DPP6: variants seen among roughly 807,000 people sequenced by gnomAD.
DPP6 encodes the protein dipeptidyl peptidase like 6.
Under a neutral mutation model 122.6 loss-of-function variants are expected in DPP6, and 69 were observed. That is an observed-to-expected ratio of 0.56 (90% confidence interval 0.46 to 0.69). The LOEUF (loss-of-function observed/expected upper bound fraction) is 0.69, where lower values mean the gene tolerates loss of function less well. Ranked by LOEUF, DPP6 falls within the 30% of genes least tolerant of loss-of-function variation. The pLI, the probability that DPP6 is intolerant of heterozygous loss-of-function variation, is 0.00. For missense variants in DPP6, 928 were observed against 1,116.9 expected (o/e 0.83, Z 2.41); for synonymous variants, 418 against 433.1 (o/e 0.97, Z 0.43).
intron 1 of DPP6, among the ~76,000 whole-genome samples, chr7:154,171,048 C>T (rs1002948349): frequency 6.6e-6 from 1 of 152,192 alleles, no homozygotes; most frequent in Non-Finnish European, 1.5e-5. Context: ...ACCCAGTCAG[C>T]TTGTTTTGAC....
intron 17 of DPP6, among the ~76,000 whole-genome samples, chr7:154,865,097 G>C (rs1803741120): frequency 6.6e-6 from 1 of 152,166 alleles, no homozygotes; most frequent in South Asian, 2.1e-4. Context: ...CTCAGTTTGA[G>C]ATTTGGCCAT....
intron 15 of DPP6, 128 bp downstream of exon 15, chr7:154,805,092 C>T: frequency 7.8e-7 from 1 of 1,281,224 alleles, no homozygotes; most frequent in Non-Finnish European, 1.1e-6. Context: ...AGAGGAGTAG[C>T]TGTAGAGTCT....
chr7:154,781,180 A>AGATG (rs1334959935), intron 10 of DPP6, among the ~76,000 whole-genome samples: 183 of 152,068 alleles, frequency 1.2e-3, no homozygotes, highest in African/African-American at 4.1e-3. Flanking sequence ...AATGAACAGT[A>AGATG]GATGGATGGA....
At chr7:154,805,872 A>T (rs570363882) in intron 15 of DPP6, among the ~76,000 whole-genome samples, 1 of 152,310 alleles carries the variant, frequency 6.6e-6, no homozygotes, top group African/African-American at 2.4e-5. Flanking sequence ...GCAGCCAGTT[A>T]CACCTAAAGG....
At chr7:154,887,861 A>C in intron 23 of DPP6, 127 bp downstream of exon 23, 1 of 1,095,872 alleles carries the variant, frequency 9.1e-7, no homozygotes, top group Non-Finnish European at 1.4e-6. Flanking sequence ...ACCAGCACCA[A>C]AGCCCACTCA....
chr7:154,416,860 G>A (rs1383626309), intron 1 of DPP6, among the ~76,000 whole-genome samples: 1 of 148,748 alleles, frequency 6.7e-6, no homozygotes, highest in African/African-American at 2.6e-5. Flanking sequence ...CAGCTTCTAG[G>A]AGGCCTGTGG....
At chr7:153,917,413 G>C (rs1455552474) in intron 1 of DPP6, among the ~76,000 whole-genome samples, 1 of 152,216 alleles carries the variant, frequency 6.6e-6, no homozygotes, top group African/African-American at 2.4e-5. Context: ...AACTTGGGCA[G>C]TGTTAAAACC....
chr7:154,892,645 C>T lies in DPP6; in HGVS notation c.*165C>T. 1 of 1,396,588 alleles carries T rather than the reference C, an allele frequency of 7.2e-7. No homozygotes were observed. Among genetic ancestry groups the T allele is most frequent in the Non-Finnish European group, 9.8e-7 (1 of 1,018,766 alleles). 86.5% of individuals were successfully genotyped at this position (1,396,588 alleles called of 1,614,324 possible). A position where few individuals can be genotyped will look rare whatever the true frequency, so the allele number is the denominator to read the frequency against. On this transcript the variant is annotated 3_prime_UTR_variant, in exon 26 of 26. Coordinates refer to ENST00000377770, the MANE Select transcript of DPP6 (RefSeq NM_130797.4). ...AAGGCAGTTTTGCTTGGGAAACAAGCTCCTTCCCCGGGGTCATCACTCACG... is the reference window on the plus strand; with the variant it reads ...AAGGCAGTTTTGCTTGGGAAACAAGTTCCTTCCCCGGGGTCATCACTCACG...
chr7:154,888,508 G>T lies in DPP6; in HGVS notation c.2305-764G>T, dbSNP rs144552473. 2.0e-3 allele frequency among the ~76,000 whole-genome samples: 309 copies of T among 152,316 alleles called. 2 individuals are homozygous for T. The highest frequency in any genetic ancestry group is 0.01 in the Middle Eastern group (3 of 294). Reference sequence around the variant, plus strand: ...TTCTCCAGCTGTGCGCAGGGAGGGAGGCCAGAGCTCCTGGCCGAGGCAGCA... The same window carrying T: ...TTCTCCAGCTGTGCGCAGGGAGGGATGCCAGAGCTCCTGGCCGAGGCAGCA... On this transcript the variant is annotated intron_variant, in intron 23 of 25. Coordinates refer to ENST00000377770, the MANE Select transcript of DPP6 (RefSeq NM_130797.4).
chr7:153,991,848 T>C (rs1385796538), intron 1 of DPP6, among the ~76,000 whole-genome samples: 2 of 151,894 alleles, frequency 1.3e-5, no homozygotes, highest in Non-Finnish European at 2.9e-5. Context: ...CTTTAACTTA[T>C]TACACTCCCT....
chr7:154,805,437 A>T (rs1798639524), intron 15 of DPP6, among the ~76,000 whole-genome samples: 1 of 152,178 alleles, frequency 6.6e-6, no homozygotes, highest in Non-Finnish European at 1.5e-5. Context: ...AGGGAGCATG[A>T]TCTCGAAGCT....
chr7:154,115,842 T>C (rs1319070419), intron 1 of DPP6, among the ~76,000 whole-genome samples: 5 of 152,172 alleles, frequency 3.3e-5, no homozygotes, highest in Non-Finnish European at 5.9e-5. Context: ...CAGAGCTGAC[T>C]AGTTTACTTT....
At chr7:154,834,503 AC>A (rs1357113014) in intron 16 of DPP6, among the ~76,000 whole-genome samples, 38 of 151,578 alleles carry the variant, frequency 2.5e-4, no homozygotes, top group East Asian at 1.2e-3. Flanking sequence ...AAAAACAAAA[AC>A]AAAAAAAACC....
intron 1 of DPP6, among the ~76,000 whole-genome samples, chr7:154,127,862 A>G (rs1194499202): frequency 6.6e-6 from 1 of 151,954 alleles, no homozygotes; most frequent in Non-Finnish European, 1.5e-5. Context: ...TTGCTGTAGC[A>G]GCAGGCTAAG....
intron 7 of DPP6, among the ~76,000 whole-genome samples, chr7:154,701,888 G>A (rs184270818): frequency 3.9e-5 from 6 of 152,182 alleles, no homozygotes; most frequent in East Asian, 1.9e-4. Flanking sequence ...ATGCAGGCAC[G>A]TCTCATCTCA....
At chr7:154,187,769 G>A (rs979803366) in intron 1 of DPP6, among the ~76,000 whole-genome samples, 1 of 152,026 alleles carries the variant, frequency 6.6e-6, no homozygotes, top group Admixed American at 6.6e-5. Flanking sequence ...TAAAATTGGG[G>A]AAGAGGGTGT....
At chr7:154,754,149 C>T (rs531180283) in intron 8 of DPP6, among the ~76,000 whole-genome samples, 2 of 152,082 alleles carry the variant, frequency 1.3e-5, no homozygotes, top group South Asian at 2.1e-4. Flanking sequence ...TATCTCAGTC[C>T]GATTAAGGTG....
At chr7:153,851,054 C>G in the DPP6 span, among the ~76,000 whole-genome samples, 1 of 152,146 alleles carries the variant, frequency 6.6e-6, no homozygotes, top group Non-Finnish European at 1.5e-5. Context: ...TACTTGTTAA[C>G]ATTTCTATTT....
intron 5 of DPP6, among the ~76,000 whole-genome samples, chr7:154,626,247 A>G (rs1480339805): frequency 6.6e-6 from 1 of 152,252 alleles, no homozygotes; most frequent in Non-Finnish European, 1.5e-5. Flanking sequence ...GAAATGTCCA[A>G]GTGGAGACTG....
Sources: gnomAD v4.1 joint callset for allele counts (sites outside exome capture counted in the v4.1 genomes callset) on GRCh38, gnomAD v4.1.1 for gene constraint, MANE v1.5 for transcripts, NCBI Gene and HGNC (gene_info 2026-07-23, HGNC 2026-07-21) for gene names.